The following SNX6 variants were observed in gnomAD, a reference collection of about 807,000 sequenced individuals.
SNX6 encodes sorting nexin-6.
In SNX6, 34 loss-of-function variants were observed where a neutral mutation model predicts 63.0. The observed-to-expected ratio is 0.54, with a 90% CI of 0.41 to 0.72. The LOEUF (loss-of-function observed/expected upper bound fraction) is 0.72. SNX6 is among the 30% of genes least tolerant of loss of function. SNX6 has a pLI of 0.00. For synonymous variants in SNX6, 170 were observed against 164.2 expected, an observed-to-expected ratio of 1.04 and a Z score of -0.27; for missense variants, 398 against 471.4, an observed-to-expected ratio of 0.84 and a Z score of 1.44.
At chr14:34,609,584 C>A in intron 3 of SNX6, 54 bp downstream of exon 3, 1 of 1,052,182 alleles carries the variant, frequency 9.5e-7, no homozygotes. Context: ...CAACATATCA[C>A]ATATGTAGTA....
chr14:34,599,864 G>A lies in SNX6; in HGVS notation c.517-2219C>T, dbSNP rs141217526. Among the ~76,000 whole-genome samples, 505 of 150,966 alleles carry A rather than the reference G, an allele frequency of 3.3e-3. 3 individuals are homozygous for A. Among genetic ancestry groups the A allele is most frequent in the African/African-American group, 0.012 (491 of 41,150 alleles). Reference sequence around the variant, plus strand: ...TCATCCAAACAGTCTTTCTGACTCCGACATGTTCCCTAAAATTCCATAGTT... The same window carrying A: ...TCATCCAAACAGTCTTTCTGACTCCAACATGTTCCCTAAAATTCCATAGTT... On this transcript the variant is annotated intron_variant, in intron 6 of 13. Coordinates refer to ENST00000362031, the MANE Select transcript of SNX6 (RefSeq NM_152233.4).
At chr14:34,563,267 T>C (rs559907975) in intron 13 of SNX6, 92 bp from the exon 14 acceptor site, 43 of 1,309,090 alleles carry the variant, frequency 3.3e-5, no homozygotes, top group African/African-American at 4.5e-5. Context: ...ACATAAAATA[T>C]AGTGTTAGAA....
chr14:34,567,614 T>C (rs1382220043), intron 13 of SNX6, 72 bp downstream of exon 13: 1 of 1,158,730 alleles, frequency 8.6e-7, no homozygotes, highest in African/African-American at 1.5e-5. Flanking sequence ...ATTAAAGAAT[T>C]ATCAATGTCA....
chr14:34,613,185 G>A (rs964253609), intron 2 of SNX6, among the ~76,000 whole-genome samples: 1 of 152,242 alleles, frequency 6.6e-6, no homozygotes, highest in Non-Finnish European at 1.5e-5. Flanking sequence ...GAAAGCTGGA[G>A]GAGGCAGGGA....
At chr14:34,629,525 T>G in intron 2 of SNX6, 1 of 507,444 alleles carries the variant, frequency 2.0e-6, no homozygotes, top group Non-Finnish European at 3.8e-6. Context: ...CGGGTGAAAA[T>G]TGAGGGTGCC....
In SNX6 at chr14:34,598,684, A is replaced by G. The variant is rs115564350; in HGVS notation, c.517-1039T>C. ...AGGCATGAGCCATCACGACTGGCCCATATCTTGAAGCTTAACCCCCAAGGT... is the reference window on the plus strand; with the variant it reads ...AGGCATGAGCCATCACGACTGGCCCGTATCTTGAAGCTTAACCCCCAAGGT... On this transcript the variant is annotated intron_variant, in intron 6 of 13. Transcript: ENST00000362031. Among the ~76,000 whole-genome samples the G allele has an allele frequency of 6.9e-3, 1,057 of 152,298 alleles. 13 individuals are homozygous for G. The highest frequency in any genetic ancestry group is 0.023 in the African/African-American group (975 of 41,566).
chr14:34,573,295 C>T (rs752611472), intron 11 of SNX6, among the ~76,000 whole-genome samples: 7 of 152,098 alleles, frequency 4.6e-5, no homozygotes, highest in African/African-American at 1.2e-4. Context: ...CTTTTTGAGG[C>T]CAGGCGGGAT....
chr14:34,616,129 TA>T (rs781098348), intron 2 of SNX6, among the ~76,000 whole-genome samples: 1 of 152,008 alleles, frequency 6.6e-6, no homozygotes, highest in Non-Finnish European at 1.5e-5. Flanking sequence ...CTAATTTTTG[TA>T]TTTTTAGTAG....
intron 2 of SNX6, among the ~76,000 whole-genome samples, chr14:34,622,039 A>G (rs1437390351): frequency 7.7e-6 from 1 of 129,648 alleles, no homozygotes; most frequent in African/African-American, 3.0e-5. Context: ...GCTCACTGCT[A>G]CCTCTGCCTC....
intron 2 of SNX6, among the ~76,000 whole-genome samples, chr14:34,614,207 A>G (rs917470997): frequency 2.0e-5 from 3 of 151,994 alleles, no homozygotes; most frequent in African/African-American, 7.2e-5. Context: ...CGATTGGAAC[A>G]CTTGAGCTCA....
chr14:34,613,498 A>G (rs1883306953), intron 2 of SNX6, among the ~76,000 whole-genome samples: 1 of 152,188 alleles, frequency 6.6e-6, no homozygotes, highest in Non-Finnish European at 1.5e-5. Context: ...TGCTTGTTAA[A>G]AATACAGAAT....
chr14:34,578,772 C>T (rs1419929256), intron 10 of SNX6, among the ~76,000 whole-genome samples: 2 of 150,582 alleles, frequency 1.3e-5, no homozygotes, highest in Admixed American at 6.7e-5. Context: ...AACCCCATCT[C>T]TACTAAAAAT....
chr14:34,568,167 G>A (rs1004403229), intron 11 of SNX6, among the ~76,000 whole-genome samples, 154 bp from the exon 12 acceptor site: 1 of 147,488 alleles, frequency 6.8e-6, no homozygotes, highest in Non-Finnish European at 1.5e-5. Context: ...TTTTTGAGGT[G>A]GAGTTTTGCT....
In SNX6 at chr14:34,566,797, T is replaced by C. The variant is rs765649906; in HGVS notation, c.1167+889A>G. The stretch of plus-strand genomic sequence containing the variant: ...TGAAAAAAGACCAGAGGGCCAGGCA[T>C]GGTGGCATACACCTGTAATCCCAGC... On this transcript the variant is annotated intron_variant, in intron 13 of 13. Coordinates refer to ENST00000362031, the MANE Select transcript of SNX6 (RefSeq NM_152233.4). 1.3e-5 allele frequency among the ~76,000 whole-genome samples: 2 copies of C among 152,298 alleles called. 1 individual carries two copies. Among genetic ancestry groups the C allele is most frequent in the East Asian group, 3.9e-4 (2 of 5,184 alleles).
intron 3 of SNX6, 23 bp from the exon 4 acceptor site, chr14:34,608,163 G>C: frequency 7.1e-7 from 1 of 1,401,514 alleles, no homozygotes; most frequent in Non-Finnish European, 9.9e-7. Context: ...AGATTTTCTT[G>C]AATAAAAATC....
At chr14:34,586,379 A>C in intron 8 of SNX6, 74 bp from the exon 9 acceptor site, 3 of 940,070 alleles carry the variant, frequency 3.2e-6, no homozygotes, top group Non-Finnish European at 5.1e-6. Flanking sequence ...ATTACCTCTC[A>C]AACAATGTGT....
chr14:34,574,041 T>C (rs949001867), intron 11 of SNX6, among the ~76,000 whole-genome samples: 4 of 151,760 alleles, frequency 2.6e-5, no homozygotes, highest in Non-Finnish European at 4.4e-5. Flanking sequence ...ATAGACCAAA[T>C]AGAAATCCTT....
Position 34,593,141 on chromosome 14 carries a change from C to A in SNX6, c.622G>T (p.Asp208Tyr), listed in dbSNP as rs778400827. The A allele has an allele frequency of 4.4e-6, 7 of 1,589,726 alleles. No homozygotes were observed. The East Asian group carries it at 1.3e-4, about 31-fold the overall frequency. The change falls in exon 8 of 14, where the codon GAT becomes TAT. Residue 208 changes from aspartate to tyrosine, a missense_variant. Asp to Tyr is a radical substitution (Grantham distance 160). Coordinates refer to ENST00000362031, the MANE Select transcript of SNX6 (RefSeq NM_152233.4). Reference sequence around the variant, plus strand: ...AATGTTCGTTCGTGCTCAAAGAAATCATCTACATCCTATAAGATCAAAAGA... The same window carrying A: ...AATGTTCGTTCGTGCTCAAAGAAATAATCTACATCCTATAAGATCAAAAGA... ...VIVSGVKDVD[D>Y]FFEHERTFLL... is the part of the protein sequence containing the mutation.
chr14:34,576,573 C>A (rs958056943), intron 10 of SNX6, among the ~76,000 whole-genome samples: 1 of 151,602 alleles, frequency 6.6e-6, no homozygotes, highest in Non-Finnish European at 1.5e-5. Flanking sequence ...CGCAGCCTCC[C>A]GAGTAGCTGG....
Sources: gnomAD v4.1 joint callset for allele counts (sites outside exome capture counted in the v4.1 genomes callset) on GRCh38, gnomAD v4.1.1 for gene constraint, MANE v1.5 for transcripts, NCBI Gene and HGNC (gene_info 2026-07-23, HGNC 2026-07-21) for gene names.